Variants in AVEN observed in about 807,000 individuals in gnomAD.
AVEN encodes cell death regulator Aven.
AVEN carries 41 observed loss-of-function variants against 38.1 expected under a neutral mutation model. That is an observed-to-expected ratio of 1.08 (90% CI 0.84 to 1.40). AVEN has a LOEUF of 1.40. Ranked by LOEUF, AVEN falls within the 40% of genes most tolerant of loss-of-function variation. The pLI, the probability that AVEN is intolerant of heterozygous loss-of-function variation, is 0.00. For synonymous variants in AVEN, 206 were observed against 171.8 expected, an observed-to-expected ratio of 1.20 and a Z score of -1.56; for missense variants, 605 against 438.8, an observed-to-expected ratio of 1.38 and a Z score of -3.38.
intron 2 of AVEN, among the ~76,000 whole-genome samples, chr15:33,887,283 GA>G (rs1445345068): frequency 6.6e-6 from 1 of 152,146 alleles, no homozygotes; most frequent in African/African-American, 2.4e-5. Flanking sequence ...GCTTCTAGGG[GA>G]GGGATTGTGC....
chr15:34,071,755 A>G (rs1217641501), intron 1 of AVEN, among the ~76,000 whole-genome samples: 1 of 152,194 alleles, frequency 6.6e-6, no homozygotes, highest in East Asian at 1.9e-4. Flanking sequence ...AAGAAGAACA[A>G]GTGATACAAA....
intron 2 of AVEN, chr15:33,883,752 G>A (rs2153038602): frequency 6.6e-6 from 1 of 152,156 alleles, no homozygotes; most frequent in African/African-American, 2.4e-5. Flanking sequence ...TAAACAACAA[G>A]GATTTTTCCT....
intron 2 of AVEN, among the ~76,000 whole-genome samples, chr15:33,937,402 A>T (rs564099310): frequency 4.1e-5 from 6 of 145,626 alleles, no homozygotes; most frequent in Non-Finnish European, 7.6e-5. Context: ...GCGTGGTGGC[A>T]GGCGCCTGTA....
intron 11 of AVEN, chr15:33,860,805 T>A: frequency 1.4e-6 from 1 of 713,208 alleles, no homozygotes; most frequent in Non-Finnish European, 2.3e-6. Flanking sequence ...CTCTGCACCC[T>A]GCCATACCCC....
intron 1 of AVEN, among the ~76,000 whole-genome samples, chr15:34,004,920 G>A (rs1335221272): frequency 6.6e-6 from 1 of 151,998 alleles, no homozygotes; most frequent in African/African-American, 2.4e-5. Flanking sequence ...AGAAAAAAAT[G>A]AGTAAAATTA....
At chr15:33,873,946 G>GC (rs140129166) in intron 3 of AVEN, among the ~76,000 whole-genome samples, 10,415 of 152,086 alleles carry the variant, frequency 0.068, 435 homozygotes, top group African/African-American at 0.086. Flanking sequence ...CTCACTGCCT[G>GC]ACCCTCTCAG....
chr15:34,016,485 A>T (rs1452218847), intron 1 of AVEN, among the ~76,000 whole-genome samples: 1 of 151,718 alleles, frequency 6.6e-6, no homozygotes, highest in East Asian at 1.9e-4. Context: ...CTTTTTTCTT[A>T]CAAATTTCCC....
At chr15:34,021,716 A>C (rs570744050) in intron 1 of AVEN, among the ~76,000 whole-genome samples, 3 of 151,826 alleles carry the variant, frequency 2.0e-5, no homozygotes, top group Non-Finnish European at 4.4e-5. Flanking sequence ...TTAACTGGAC[A>C]TGGTGGCAGG....
intron 2 of AVEN, among the ~76,000 whole-genome samples, chr15:33,923,366 G>A (rs1453697433): frequency 3.9e-5 from 6 of 152,186 alleles, no homozygotes; most frequent in African/African-American, 2.4e-5. Flanking sequence ...CATTAATGAA[G>A]AGTAGTAAGT....
At chr15:33,944,809 G>GA (rs530925637) in intron 2 of AVEN, among the ~76,000 whole-genome samples, 424 of 133,900 alleles carry the variant, frequency 3.2e-3, no homozygotes, top group South Asian at 7.6e-3. Context: ...ACTCAGTCTC[G>GA]AAAAAAAAAA....
chr15:34,053,319 A>AAAAAAATATATATATAT (rs775436850), intron 5 of AVEN, among the ~76,000 whole-genome samples: 2 of 42,098 alleles, frequency 4.8e-5, no homozygotes, highest in African/African-American at 1.6e-4. Context: ...AAAAAAAAAA[A>AAAAAAATATATATATAT]ATATATATAT....
At chr15:33,874,289 A>G (rs1213763339) in intron 3 of AVEN, among the ~76,000 whole-genome samples, 1 of 152,144 alleles carries the variant, frequency 6.6e-6, no homozygotes, top group South Asian at 2.1e-4. Flanking sequence ...AGTTTGCCCA[A>G]GTCTCAGATC....
intron 2 of AVEN, among the ~76,000 whole-genome samples, chr15:33,978,024 G>GGGAT (rs1895962276): frequency 6.6e-6 from 1 of 150,770 alleles, no homozygotes; most frequent in Admixed American, 6.6e-5. Flanking sequence ...GAGGGAGGGA[G>GGGAT]GGATGGAAGG....
chr15:33,974,302 T>A (rs58922383), intron 2 of AVEN, among the ~76,000 whole-genome samples: 2 of 152,172 alleles, frequency 1.3e-5, no homozygotes. Flanking sequence ...ACACTTAAAA[T>A]CTTACATTTA....
chr15:33,864,178 C>T, downstream of AVEN: 1 of 1,611,414 alleles, frequency 6.2e-7, no homozygotes, highest in Non-Finnish European at 8.5e-7. Context: ...TGAAACAGAG[C>T]ACACGGGTCA....
intron 1 of AVEN, among the ~76,000 whole-genome samples, chr15:34,009,549 T>C (rs1435355061): frequency 6.6e-6 from 1 of 151,774 alleles, no homozygotes; most frequent in African/African-American, 2.4e-5. Context: ...AGCAGTAAAA[T>C]AAAGAAAAAG....
At chr15:34,013,050 G>C (rs975716198) in intron 1 of AVEN, among the ~76,000 whole-genome samples, 1 of 150,274 alleles carries the variant, frequency 6.7e-6, no homozygotes, top group Non-Finnish European at 1.5e-5. Flanking sequence ...TCCTATCACA[G>C]TGGTTTTTTT....
At chr15:33,874,727 A>G (rs1394262301) in intron 3 of AVEN, among the ~76,000 whole-genome samples, 1 of 152,224 alleles carries the variant, frequency 6.6e-6, no homozygotes, top group Non-Finnish European at 1.5e-5. Flanking sequence ...TTCACTTTGA[A>G]TAAGCTCCAT....
chr15:34,014,674 A>C (rs1320852220), intron 1 of AVEN, among the ~76,000 whole-genome samples: 2 of 152,158 alleles, frequency 1.3e-5, no homozygotes, highest in Non-Finnish European at 2.9e-5. Flanking sequence ...TCCCAAAACA[A>C]ACAACAGGCA....
Sources: gnomAD v4.1 joint callset for allele counts (sites outside exome capture counted in the v4.1 genomes callset) on GRCh38, gnomAD v4.1.1 for gene constraint, MANE v1.5 for transcripts, NCBI Gene and HGNC (gene_info 2026-07-23, HGNC 2026-07-21) for gene names.